STAG3: variants seen among roughly 807,000 people sequenced by gnomAD.
STAG3 encodes the protein cohesin subunit SA-3.
STAG3 carries 101 observed loss-of-function variants against 160.7 expected under a neutral mutation model. The observed-to-expected ratio is 0.63, with a 90% CI of 0.54 to 0.74. The LOEUF (loss-of-function observed/expected upper bound fraction) is 0.74. Among genes scored for constraint, STAG3 ranks in the 30% least tolerant of loss-of-function variants. The pLI, the probability that STAG3 is intolerant of heterozygous loss-of-function variation, is 0.00. For missense variants in STAG3, 1,188 were observed against 1,517.4 expected, an observed-to-expected ratio of 0.78 and a Z score of 3.61; for synonymous variants, 519 against 585.0, an observed-to-expected ratio of 0.89 and a Z score of 1.63.
intron 13 of STAG3, 84 bp downstream of exon 13, chr7:100,198,666 C>A: frequency 7.2e-7 from 1 of 1,393,654 alleles, no homozygotes; most frequent in South Asian, 1.2e-5. Context: ...CTAAGGCTTC[C>A]CCATCTCTGT....
chr7:100,214,749 C>G (rs1802618612), downstream of STAG3, among the ~76,000 whole-genome samples: 1 of 152,036 alleles, frequency 6.6e-6, no homozygotes, highest in Non-Finnish European at 1.5e-5. Context: ...TATCCTCATC[C>G]CAAAGATACC....
At chr7:100,217,690 C>T (rs980779909), downstream of STAG3, among the ~76,000 whole-genome samples, 5 of 152,132 alleles carry the variant, frequency 3.3e-5, no homozygotes, top group Admixed American at 2.0e-4. Flanking sequence ...TAGATAAGGT[C>T]ACATGAGTCA....
chr7:100,178,752 C>T (rs1453254749), intron 1 of STAG3, among the ~76,000 whole-genome samples: 2 of 152,004 alleles, frequency 1.3e-5, no homozygotes, highest in Non-Finnish European at 2.9e-5. Context: ...CAATTCCAAA[C>T]CCACTGCCCA....
chr7:100,195,273 A>G (rs772416185), intron 8 of STAG3, 36 bp from the exon 9 acceptor site: 20 of 1,591,242 alleles, frequency 1.3e-5, no homozygotes, highest in South Asian at 6.6e-5. Context: ...TTGTTAGGGT[A>G]CAAGAAAGAT....
At position 100,207,932 on chromosome 7, in the gene STAG3, C is replaced by T. The variant is rs113235931; in HGVS notation, c.3238+2548C>T. Among the ~76,000 whole-genome samples, 4,968 of 152,012 alleles carry T rather than the reference C, an allele frequency of 0.033. 285 individuals are homozygous for T. Among genetic ancestry groups the T allele is most frequent in the African/African-American group, 0.11 (4,720 of 41,460 alleles). ...GAGATTGAGACCATCCTGGCTAACA[C>T]GGTGAAACCCCGTCTCTACTAAAAA... is the stretch of plus-strand genomic sequence containing the variant. On this transcript the variant is annotated intron_variant, in intron 29 of 33. Transcript: ENST00000615138. This position sits in a 1 kb window ranked among gnomAD's most constrained non-coding sequence, Gnocchi z 4.0.
chr7:100,212,879 G>A (rs1802376439), intron 32 of STAG3: 1 of 152,076 alleles, frequency 6.6e-6, no homozygotes, highest in Non-Finnish European at 1.5e-5. Context: ...GTAAACACGT[G>A]TCTCTTAAAA....
rs531247147 is a variant in STAG3, at chr7:100,193,478, A to G, written c.868-1831A>G. 5.3e-5 allele frequency among the ~76,000 whole-genome samples: 8 copies of G among 152,334 alleles called. No individual in the cohort carries two copies. The South Asian group carries it at 1.7e-3, about 32-fold the overall frequency. Reference sequence around the variant, plus strand: ...GCAGTTTAGTCCACATTGAAAATTCATTGTTTAGTGTAGCCACCTTCATCA... The same window carrying G: ...GCAGTTTAGTCCACATTGAAAATTCGTTGTTTAGTGTAGCCACCTTCATCA... On this transcript the variant is annotated intron_variant, in intron 8 of 33. Transcript: ENST00000615138.
downstream of STAG3, among the ~76,000 whole-genome samples, chr7:100,216,676 C>T (rs532072651): frequency 6.6e-6 from 1 of 151,832 alleles, no homozygotes; most frequent in Non-Finnish European, 1.5e-5. Context: ...TGGCATGAGC[C>T]TGTAGTCCCA....
At chr7:100,210,983 G>A (rs1378605654) in intron 29 of STAG3, 28 bp from the exon 30 acceptor site, 1 of 1,606,576 alleles carries the variant, frequency 6.2e-7, no homozygotes, top group South Asian at 1.1e-5. Context: ...GCCCTGGGCT[G>A]TGGTTAATGT....
At position 100,200,956 on chromosome 7, in the gene STAG3, A is replaced by C; in HGVS notation, c.2048A>C (p.Glu683Ala). 1 of 1,614,216 alleles carries C rather than the reference A, an allele frequency of 6.2e-7. No homozygotes were observed. Among genetic ancestry groups the C allele is most frequent in the Middle Eastern group, 1.6e-4 (1 of 6,062 alleles). ...ACTGACCGCTTCCAGCAGGAGCTTG[A>C]AGAGCTGTTACAGGTAGGAGCTGGG... ...LLTDRFQQEL[E>A]ELLQSSFLDE... The change falls in exon 19 of 34, where the codon GAA (glutamate) becomes GCA (alanine). Residue 683 changes from glutamate (E) to alanine (A), a missense_variant. By Grantham distance (107) the Glu-to-Ala change is moderately radical. This residue lies in a region of STAG3 where 647 missense variants were observed against 717.2 expected (regional missense o/e 0.90). Transcript: ENST00000615138.
Position 100,207,067 on chromosome 7 carries a change from C to T in STAG3, c.3238+1683C>T, listed in dbSNP as rs577998873. On this transcript the variant is annotated intron_variant, in intron 29 of 33. Coordinates refer to ENST00000615138, the MANE Select transcript of STAG3 (RefSeq NM_001282717.2). The surrounding 1 kb of genome is among the most constrained non-coding windows in gnomAD (Gnocchi z 4.0). ...CATACTTTGACATATATCAGTATCT[C>T]ATACCTTTTTATGGCCGAAACAATA... is the stretch of plus-strand genomic sequence containing the variant. Among the ~76,000 whole-genome samples the T allele has an allele frequency of 6.6e-6, 1 of 152,318 alleles. No individual in the cohort carries two copies. The highest frequency in any genetic ancestry group is 1.9e-4 in the East Asian group (1 of 5,194).
At chr7:100,188,422 T>A in intron 5 of STAG3, 31 bp from the exon 6 acceptor site, 1 of 1,437,578 alleles carries the variant, frequency 7.0e-7, no homozygotes, top group South Asian at 1.1e-5. Flanking sequence ...GTTATTTTCC[T>A]TGTAAGCACC....
At chr7:100,209,555 A>G (rs907345880) in intron 29 of STAG3, among the ~76,000 whole-genome samples, 12 of 152,284 alleles carry the variant, frequency 7.9e-5, no homozygotes, top group African/African-American at 2.6e-4. Flanking sequence ...GACAGGATCA[A>G]CCTCTGTTTT....
chr7:100,213,823 C>T lies in STAG3; in HGVS notation c.3672+17C>T, dbSNP rs376422542. 2.5e-6 allele frequency: 4 copies of T among 1,614,190 alleles called. No individual in the cohort carries two copies. In the South Asian group the frequency reaches 4.4e-5, roughly 18 times the overall value. ...GATATTGAGGTGAGTGTCCCCAGAG[C>T]AGGAGTTATGTATCCTTCGGAAATG... is the stretch of plus-strand genomic sequence containing the variant. On this transcript the variant is annotated intron_variant, in intron 33 of 33. Transcript: ENST00000615138.
Position 100,213,749 on chromosome 7 carries a change from C to T in STAG3, c.3615C>T (p.Tyr1205=), listed in dbSNP as rs1397692418. ...RQDTDMQASS[Y]SSTSERGLDL... ...ATTCTCTCTAGCAAGCAAGTAGCTACTCTTCCACCAGTGAGCGCGGGCTGG... is the reference window on the plus strand; with the variant it reads ...ATTCTCTCTAGCAAGCAAGTAGCTATTCTTCCACCAGTGAGCGCGGGCTGG... The change falls in exon 33 of 34, where the codon TAC becomes TAT. Residue 1205 remains tyrosine (Y), a synonymous_variant. Coordinates refer to ENST00000615138, the MANE Select transcript of STAG3 (RefSeq NM_001282717.2). 17 of 1,614,124 alleles carry T rather than the reference C, an allele frequency of 1.1e-5. No homozygotes were observed. The highest frequency in any genetic ancestry group is 1.6e-4 in the Middle Eastern group (1 of 6,084).
At chr7:100,199,408 C>T (rs2272345) in intron 15 of STAG3, 41 bp downstream of exon 15, 7 of 1,580,298 alleles carry the variant, frequency 4.4e-6, no homozygotes, top group Non-Finnish European at 6.1e-6. Flanking sequence ...CCTTCCACCC[C>T]CTAGGGTGAA....
intron 25 of STAG3, 83 bp downstream of exon 25, chr7:100,202,673 T>C: frequency 6.6e-7 from 1 of 1,520,736 alleles, no homozygotes; most frequent in South Asian, 1.2e-5. Context: ...GCACTACAGG[T>C]GGGGGATATC....
intron 1 of STAG3, among the ~76,000 whole-genome samples, chr7:100,178,690 T>C (rs1799434481): frequency 6.6e-6 from 1 of 151,806 alleles, no homozygotes; most frequent in African/African-American, 2.4e-5. Flanking sequence ...CCTCCCAAAG[T>C]ACTGGGATTA....
intron 21 of STAG3, 27 bp downstream of exon 21, chr7:100,201,378 G>C (rs777037388): frequency 6.3e-7 from 1 of 1,599,456 alleles, no homozygotes; most frequent in Non-Finnish European, 8.6e-7. Flanking sequence ...GAGATGGGTT[G>C]GGGGCTGGGG....
Sources: gnomAD v4.1 joint callset for allele counts (sites outside exome capture counted in the v4.1 genomes callset) on GRCh38, gnomAD v4.1.1 for gene constraint, gnomAD v4.1.1 regional missense constraint, Gnocchi (gnomAD v3.1) non-coding constraint, MANE v1.5 for transcripts, NCBI Gene and HGNC (gene_info 2026-07-23, HGNC 2026-07-21) for gene names.